The following LDLRAD4 variants were observed in gnomAD, a reference collection of about 807,000 sequenced individuals.
The protein encoded by LDLRAD4 is low-density lipoprotein receptor class A domain-containing protein 4.
A neutral mutation model predicts 17.0 loss-of-function variants in LDLRAD4; 5 were observed. The observed-to-expected ratio is 0.29, with a 90% CI of 0.15 to 0.62. The LOEUF is 0.62. LDLRAD4 is among the 20% of genes least tolerant of loss of function. The pLI, the probability that LDLRAD4 is intolerant of heterozygous loss-of-function variation, is 0.84. For synonymous variants in LDLRAD4, 168 were observed against 171.8 expected, an observed-to-expected ratio of 0.98 and a Z score of 0.17; for missense variants, 340 against 424.7, an observed-to-expected ratio of 0.80 and a Z score of 1.75.
intron 3 of LDLRAD4, among the ~76,000 whole-genome samples, chr18:13,569,920 C>T (rs1257948623): frequency 1.3e-5 from 2 of 151,948 alleles, no homozygotes; most frequent in African/African-American, 2.4e-5. Flanking sequence ...AAATAAATTG[C>T]GCTTGGAAGA....
At chr18:13,235,322 C>T (rs1267063264) in intron 1 of LDLRAD4, among the ~76,000 whole-genome samples, 2 of 152,136 alleles carry the variant, frequency 1.3e-5, no homozygotes, top group South Asian at 2.1e-4. Context: ...TCTCTTTAGA[C>T]GAGATGTCTC....
At chr18:13,312,572 T>A (rs767287568) in intron 1 of LDLRAD4, among the ~76,000 whole-genome samples, 4 of 152,024 alleles carry the variant, frequency 2.6e-5, no homozygotes, top group Non-Finnish European at 5.9e-5. Flanking sequence ...AGAGACCCCA[T>A]CCCTACAAAA....
intron 1 of LDLRAD4, among the ~76,000 whole-genome samples, chr18:13,321,247 A>C (rs754539731): frequency 2.6e-4 from 40 of 152,176 alleles, no homozygotes; most frequent in Admixed American, 8.5e-4. Flanking sequence ...TCTCCCCCAG[A>C]GGCCTATGCG....
chr18:13,394,067 G>A (rs969167818), intron 2 of LDLRAD4, among the ~76,000 whole-genome samples: 2 of 152,200 alleles, frequency 1.3e-5, no homozygotes, highest in Non-Finnish European at 2.9e-5. Context: ...AATATCAAAT[G>A]CTTTTTCTGC....
At chr18:13,449,746 C>G (rs867618215) in intron 3 of LDLRAD4, among the ~76,000 whole-genome samples, 1 of 152,220 alleles carries the variant, frequency 6.6e-6, no homozygotes, top group Non-Finnish European at 1.5e-5. Context: ...GAAAAAGGAA[C>G]TTGAGCTACA....
intron 1 of LDLRAD4, among the ~76,000 whole-genome samples, chr18:13,377,895 C>G (rs2085044474): frequency 6.6e-6 from 1 of 152,212 alleles, no homozygotes; most frequent in Non-Finnish European, 1.5e-5. Flanking sequence ...CCCCACTCAC[C>G]TTGAATTGGA....
chr18:13,541,214 C>T (rs1254363794), intron 3 of LDLRAD4, among the ~76,000 whole-genome samples: 2 of 152,242 alleles, frequency 1.3e-5, no homozygotes, highest in Non-Finnish European at 2.9e-5. Context: ...CCAATCTCCT[C>T]AGCAGTTTAG....
chr18:13,448,644 G>C (rs78741759), intron 3 of LDLRAD4, among the ~76,000 whole-genome samples: 235 of 152,160 alleles, frequency 1.5e-3, no homozygotes, highest in Admixed American at 5.8e-3. Flanking sequence ...GATGAGATTG[G>C]GGGGCGGAGG....
chr18:13,227,221 C>A (rs1361705610), intron 1 of LDLRAD4, among the ~76,000 whole-genome samples: 3 of 152,220 alleles, frequency 2.0e-5, no homozygotes, highest in African/African-American at 7.2e-5. Flanking sequence ...AGTGCCTGAC[C>A]TCTTAAGCTG....
At chr18:13,607,385 T>C (rs749185376) in intron 3 of LDLRAD4, among the ~76,000 whole-genome samples, 29 of 152,250 alleles carry the variant, frequency 1.9e-4, no homozygotes, top group Non-Finnish European at 4.4e-5. Context: ...ATGCTAACTT[T>C]ATGCTGCAGA....
chr18:13,503,616 G>A (rs565571614), intron 3 of LDLRAD4, among the ~76,000 whole-genome samples: 311 of 152,268 alleles, frequency 2.0e-3, no homozygotes, highest in Middle Eastern at 3.4e-3. Flanking sequence ...CATGTGAGAT[G>A]AAATTATCAC....
intron 2 of LDLRAD4, among the ~76,000 whole-genome samples, chr18:13,423,147 T>C (rs1441231368): frequency 6.6e-6 from 1 of 152,124 alleles, no homozygotes; most frequent in East Asian, 1.9e-4. Flanking sequence ...ACTCTGAACA[T>C]TTTTGGCCTT....
At chr18:13,386,521 C>T (rs2085815859) in intron 1 of LDLRAD4, among the ~76,000 whole-genome samples, 1 of 152,048 alleles carries the variant, frequency 6.6e-6, no homozygotes, top group African/African-American at 2.4e-5. Context: ...GCATACACCA[C>T]CACACTTGGC....
chr18:13,451,478 G>A (rs1488820271), intron 3 of LDLRAD4, among the ~76,000 whole-genome samples: 2 of 152,162 alleles, frequency 1.3e-5, no homozygotes, highest in Non-Finnish European at 2.9e-5. Context: ...GAGGCTCCCT[G>A]GAAGCAGATG....
chr18:13,319,461 G>T (rs1259445035), intron 1 of LDLRAD4, among the ~76,000 whole-genome samples: 1 of 152,132 alleles, frequency 6.6e-6, no homozygotes, highest in Non-Finnish European at 1.5e-5. Flanking sequence ...TCTAGAGGTG[G>T]GTGGAGGCAG....
chr18:13,357,774 C>T (rs1304790929), intron 1 of LDLRAD4, among the ~76,000 whole-genome samples: 3 of 152,094 alleles, frequency 2.0e-5, no homozygotes, highest in African/African-American at 4.8e-5. Flanking sequence ...GACATGCTTC[C>T]CTTCATCTAC....
chr18:13,438,784 G>C (rs1191397071), intron 3 of LDLRAD4, among the ~76,000 whole-genome samples: 1 of 152,176 alleles, frequency 6.6e-6, no homozygotes, highest in Admixed American at 6.5e-5. Flanking sequence ...ATTTACATGG[G>C]ATCCTTGAAG....
At chr18:13,268,951 C>G (rs561025446) in intron 1 of LDLRAD4, among the ~76,000 whole-genome samples, 1 of 152,316 alleles carries the variant, frequency 6.6e-6, no homozygotes, top group African/African-American at 2.4e-5. Context: ...ACTTTTTACC[C>G]TGCATTCTGA....
At chr18:13,527,651 T>C (rs1391656892) in intron 3 of LDLRAD4, among the ~76,000 whole-genome samples, 2 of 152,156 alleles carry the variant, frequency 1.3e-5, no homozygotes, top group Admixed American at 1.3e-4. Flanking sequence ...GCATGGCTAC[T>C]TGGAAGAGGC....
Sources: gnomAD v4.1 joint callset for allele counts (sites outside exome capture counted in the v4.1 genomes callset) on GRCh38, gnomAD v4.1.1 for gene constraint, MANE v1.5 for transcripts, NCBI Gene and HGNC (gene_info 2026-07-23, HGNC 2026-07-21) for gene names.